NLRP14: variants seen among roughly 807,000 people sequenced by gnomAD.
The protein encoded by NLRP14 is NLR family pyrin domain containing 14, also known as NACHT, LRR and PYD domains-containing protein 14.
A neutral mutation model predicts 94.7 loss-of-function variants in NLRP14; 105 were observed. That is an observed-to-expected ratio of 1.11 (90% CI 0.95 to 1.30). The LOEUF (loss-of-function observed/expected upper bound fraction) is 1.30, where lower values mean the gene tolerates loss of function less well. Ranked by LOEUF, NLRP14 falls within the 50% of genes most tolerant of loss-of-function variation. NLRP14 has a pLI of 0.00. For missense variants in NLRP14, 1,362 were observed against 1,254.1 expected (o/e 1.09, Z -1.30); for synonymous variants, 508 against 459.9 (o/e 1.10, Z -1.34).
In NLRP14 at chr11:7,042,838, C is replaced by T; in HGVS notation, c.812C>T (p.Pro271Leu). 1 of 1,614,168 alleles carries T rather than the reference C, an allele frequency of 6.2e-7. No individual in the cohort carries two copies. Residue 271 changes from proline to leucine, a missense_variant, in exon 4 of 12, where the codon CCT becomes CTT. Coordinates refer to ENST00000299481, the MANE Select transcript of NLRP14 (RefSeq NM_176822.4). Reference sequence around the variant, plus strand: ...GAACTGAACTTTGCCTTTGAAGAACCTGAGTTTGCACTGTGCGAAGACTGG... The same window carrying T: ...GAACTGAACTTTGCCTTTGAAGAACTTGAGTTTGCACTGTGCGAAGACTGG... ...FDELNFAFEE[P>L]EFALCEDWTQ...
intron 4 of NLRP14, among the ~76,000 whole-genome samples, chr11:7,045,539 T>G (rs1368521816): frequency 6.6e-6 from 1 of 152,152 alleles, no homozygotes; most frequent in Non-Finnish European, 1.5e-5. Context: ...GTTCACCATT[T>G]TATCTCGTGT....
rs538781796 is a variant in NLRP14 at position 7,039,818 on chromosome 11, G to A, written c.361+33G>A. On this transcript the variant is annotated intron_variant, in intron 3 of 11. Transcript: ENST00000299481. ...GTTAGGCCTTTCATCAGATTTGGGAGGCATTCAAAGTTTTGATACAGGACG... is the reference window on the plus strand; with the variant it reads ...GTTAGGCCTTTCATCAGATTTGGGAAGCATTCAAAGTTTTGATACAGGACG... 8.4e-6 allele frequency: 13 copies of A among 1,538,724 alleles called. 1 individual carries two copies. In the South Asian group the frequency reaches 1.2e-4, roughly 15 times the overall value.
chr11:7,090,625 A>G, the NLRP14 span: 1 of 392,908 alleles, frequency 2.5e-6, no homozygotes, highest in Non-Finnish European at 5.0e-6. Context: ...TGAGGCAAAC[A>G]GTTCTAAGAT....
chr11:7,031,041 G>C (rs892420153), intron 1 of NLRP14, among the ~76,000 whole-genome samples: 1 of 152,202 alleles, frequency 6.6e-6, no homozygotes, highest in Non-Finnish European at 1.5e-5. Context: ...AACCACCCAC[G>C]CTGGCCCGCA....
rs142485585 is a variant in NLRP14, at chr11:7,043,645, G to C, written c.1619G>C (p.Arg540Pro). 6.2e-7 allele frequency: 1 copy of C among 1,613,900 alleles called. No homozygotes were observed. Among genetic ancestry groups the C allele is most frequent in the Non-Finnish European group, 8.5e-7 (1 of 1,179,974 alleles). The change falls in exon 4 of 12, where the codon CGA becomes CCA. Residue 540 changes from arginine (R) to proline (P), a missense_variant. Coordinates refer to ENST00000299481, the MANE Select transcript of NLRP14 (RefSeq NM_176822.4). ...TTGTTTGGCCTTTTGAATGAAGATC[G>C]AGTAAAACAACTGGAGAGGACTTTT... is the stretch of plus-strand genomic sequence containing the variant. ...CFLFGLLNED[R>P]VKQLERTFNC...
chr11:7,082,813 G>A, the NLRP14 span, among the ~76,000 whole-genome samples: 2,669 of 152,222 alleles, frequency 0.018, 56 homozygotes, highest in South Asian at 0.023. Context: ...CATAGGGAGC[G>A]TTACATAGTT....
At chr11:7,062,183 A>G in intron 9 of NLRP14, 150 bp from the exon 10 acceptor site, 2 of 667,884 alleles carry the variant, frequency 3.0e-6, no homozygotes, top group South Asian at 3.6e-5. Flanking sequence ...CATCATTTTT[A>G]CTGATAAATT....
intron 1 of NLRP14, among the ~76,000 whole-genome samples, chr11:7,028,487 G>A (rs976510498): frequency 2.0e-5 from 3 of 152,072 alleles, no homozygotes; most frequent in Non-Finnish European, 2.9e-5. Context: ...TTCTGCCATT[G>A]CTGTACTCCA....
chr11:7,023,727 AC>A, intron 1 of NLRP14, among the ~76,000 whole-genome samples: 1 of 152,078 alleles, frequency 6.6e-6, no homozygotes, highest in East Asian at 1.9e-4. Flanking sequence ...TACAGGAAGT[AC>A]GGTGCTTGCA....
intron 10 of NLRP14, among the ~76,000 whole-genome samples, chr11:7,068,684 T>C (rs1343575950): frequency 6.6e-6 from 1 of 152,104 alleles, no homozygotes; most frequent in Non-Finnish European, 1.5e-5. Flanking sequence ...AAGTACGGGG[T>C]CTTTTTCTTT....
the NLRP14 span, among the ~76,000 whole-genome samples, chr11:7,083,036 AAAAC>A: frequency 2.6e-5 from 4 of 152,372 alleles, no homozygotes; most frequent in East Asian, 7.7e-4. Context: ...TGAAGTAGGA[AAAAC>A]AAAGTTGAAG....
Position 7,062,325 on chromosome 11 carries a change from T to G in NLRP14, c.2805-8T>G, listed in dbSNP as rs1340838912. 6.2e-7 allele frequency: 1 copy of G among 1,610,760 alleles called. No individual in the cohort carries two copies. Among genetic ancestry groups the G allele is most frequent in the East Asian group, 2.2e-5 (1 of 44,844 alleles). ...AAGGATTCACTTTTCCTATTGTAATTCTTACAGATTGATGGGCTGTGTTCT... is the reference window on the plus strand; with the variant it reads ...AAGGATTCACTTTTCCTATTGTAATGCTTACAGATTGATGGGCTGTGTTCT... On this transcript the variant is annotated splice_polypyrimidine_tract_variant and splice_region_variant and intron_variant, in intron 9 of 11. Transcript: ENST00000299481.
intron 1 of NLRP14, among the ~76,000 whole-genome samples, chr11:7,030,511 C>T (rs187460315): frequency 1.3e-5 from 2 of 151,940 alleles, no homozygotes; most frequent in Admixed American, 1.3e-4. Flanking sequence ...GAAATAGGAC[C>T]CACCCCCACT....
intron 8 of NLRP14, among the ~76,000 whole-genome samples, chr11:7,059,405 C>T (rs560915111): frequency 9.9e-5 from 15 of 151,656 alleles, no homozygotes; most frequent in Non-Finnish European, 1.9e-4. Flanking sequence ...TTAATTTTAA[C>T]GTTTACATGT....
At chr11:7,022,990 T>C (rs1001153917) in intron 1 of NLRP14, among the ~76,000 whole-genome samples, 13 of 152,066 alleles carry the variant, frequency 8.5e-5, no homozygotes, top group Non-Finnish European at 1.8e-4. Flanking sequence ...AGAAACAAAT[T>C]CATGGATGAC....
chr11:7,052,989 A>G (rs1197083280), intron 6 of NLRP14, among the ~76,000 whole-genome samples: 1 of 152,204 alleles, frequency 6.6e-6, no homozygotes, highest in Non-Finnish European at 1.5e-5. Context: ...ACCATGATAT[A>G]TATGTATACA....
chr11:7,060,852 T>G (rs1241228229), intron 9 of NLRP14, among the ~76,000 whole-genome samples: 4 of 152,046 alleles, frequency 2.6e-5, no homozygotes, highest in Non-Finnish European at 2.9e-5. Flanking sequence ...GAGGTGTGCA[T>G]GCTGAGAATA....
At chr11:7,077,484 A>T in the NLRP14 span, among the ~76,000 whole-genome samples, 1 of 152,240 alleles carries the variant, frequency 6.6e-6, no homozygotes, top group Non-Finnish European at 1.5e-5. Flanking sequence ...TAACATAAAT[A>T]TATGTGAATT....
chr11:7,032,798 T>A (rs1852115837), intron 1 of NLRP14, among the ~76,000 whole-genome samples: 1 of 152,208 alleles, frequency 6.6e-6, no homozygotes, highest in Non-Finnish European at 1.5e-5. Flanking sequence ...ATTTTAGGGA[T>A]ATGAACATTT....
Sources: allele counts gnomAD v4.1 joint callset (sites outside exome capture counted in the v4.1 genomes callset), GRCh38; gene constraint gnomAD v4.1.1; transcripts MANE v1.5; gene names NCBI Gene and HGNC (gene_info 2026-07-23, HGNC 2026-07-21).